The following SH3PXD2A variants were observed in gnomAD, a reference collection of about 807,000 sequenced individuals.
The protein encoded by SH3PXD2A is SH3 and PX domains 2A.
A neutral mutation model predicts 115.2 loss-of-function variants in SH3PXD2A; 32 were observed. The observed-to-expected ratio is 0.28, with a 90% confidence interval of 0.21 to 0.37. The LOEUF (loss-of-function observed/expected upper bound fraction) is 0.37. Ranked by LOEUF, SH3PXD2A falls within the 10% of genes least tolerant of loss-of-function variation. SH3PXD2A has a pLI of 1.00. For synonymous variants in SH3PXD2A, 610 were observed against 629.1 expected, an observed-to-expected ratio of 0.97 and a Z score of 0.45; for missense variants, 1,328 against 1,498.7, an observed-to-expected ratio of 0.89 and a Z score of 1.88.
intron 5 of SH3PXD2A, among the ~76,000 whole-genome samples, chr10:103,697,330 A>T (rs2037837176): frequency 6.6e-6 from 1 of 152,124 alleles, no homozygotes; most frequent in South Asian, 2.1e-4. Flanking sequence ...TTATTCTTTC[A>T]TACCTGGGCC....
At chr10:103,731,867 G>T (rs1039461649) in intron 4 of SH3PXD2A, among the ~76,000 whole-genome samples, 4 of 152,166 alleles carry the variant, frequency 2.6e-5, no homozygotes, top group African/African-American at 7.2e-5. Flanking sequence ...AGTGCAGAGG[G>T]GGAGGGTCAG....
intron 11 of SH3PXD2A, 95 bp from the exon 12 acceptor site, chr10:103,613,285 C>A: frequency 1.1e-6 from 1 of 921,446 alleles, no homozygotes; most frequent in Admixed American, 2.6e-5. Flanking sequence ...CCCAGTGGAG[C>A]CTTCCCTACC....
rs1305195719 is a variant in SH3PXD2A at position 103,602,938 on chromosome 10, T to G, written c.2280A>C (p.Pro760=). 1 of 1,614,226 alleles carries G rather than the reference T, an allele frequency of 6.2e-7. No homozygotes were observed. The highest frequency in any genetic ancestry group is 8.5e-7 in the Non-Finnish European group (1 of 1,180,044). The change falls in exon 15 of 15, where the codon CCA becomes CCC. Residue 760 remains proline, a synonymous_variant. Coordinates refer to ENST00000369774, the MANE Select transcript of SH3PXD2A (RefSeq NM_001394015.1). ...PRAKPSVRPK[P]FLNRAESQSQ... is the part of the protein sequence containing the mutation. ...TCTGCGACTCTGCTCGGTTTAGGAA[T>G]GGCTTGGGCCGGACCGATGGCTTGG...
intron 8 of SH3PXD2A, among the ~76,000 whole-genome samples, chr10:103,642,857 T>C (rs1042533745): frequency 2.6e-5 from 4 of 152,304 alleles, no homozygotes; most frequent in Admixed American, 2.6e-4. Context: ...TTGCTAAAAA[T>C]GGAAGCTTCT....
At chr10:103,607,093 C>T (rs2036323902) in intron 13 of SH3PXD2A, among the ~76,000 whole-genome samples, 2 of 151,812 alleles carry the variant, frequency 1.3e-5, no homozygotes, top group African/African-American at 2.4e-5. Context: ...AAGTGAGGAG[C>T]GTCTCTGCCC....
chr10:103,787,486 G>A (rs2038991703), intron 2 of SH3PXD2A, among the ~76,000 whole-genome samples: 1 of 152,156 alleles, frequency 6.6e-6, no homozygotes, highest in Non-Finnish European at 1.5e-5. Flanking sequence ...TGCACTGCTG[G>A]ATGGAGTGGG....
chr10:103,667,479 A>G (rs1341950632), intron 7 of SH3PXD2A, among the ~76,000 whole-genome samples: 1 of 152,214 alleles, frequency 6.6e-6, no homozygotes. Context: ...GGAGAGGGGA[A>G]AAAGGGACAG....
At chr10:103,735,905 A>G in intron 3 of SH3PXD2A, 97 bp from the exon 4 acceptor site, 1 of 928,248 alleles carries the variant, frequency 1.1e-6, no homozygotes, top group South Asian at 1.3e-5. Flanking sequence ...ATCTTAGTCC[A>G]GCACTACCTG....
Position 103,855,166 on chromosome 10 carries a change from C to T in SH3PXD2A, c.72+29G>A, listed in dbSNP as rs1416527393. On this transcript the variant is annotated intron_variant, in intron 1 of 14. Transcript: ENST00000369774. ...GCCCTCCCGGGACCTCGGGCCACCC[C>T]CAGCAGGGTCGGCGGGGGCTGTACT... is the stretch of plus-strand genomic sequence containing the variant. 5.3e-6 allele frequency: 8 copies of T among 1,509,802 alleles called. No homozygotes were observed. The Admixed American group carries it at 1.7e-4, about 32-fold the overall frequency. 93.5% of individuals were successfully genotyped at this position (1,509,802 alleles called of 1,614,324 possible).
intron 2 of SH3PXD2A, among the ~76,000 whole-genome samples, chr10:103,796,859 C>CTTT (rs11352709): frequency 9.6e-5 from 11 of 114,122 alleles, no homozygotes; most frequent in African/African-American, 3.2e-4. Flanking sequence ...TTTGGAACAT[C>CTTT]TTTTTTTTTT....
intron 6 of SH3PXD2A, among the ~76,000 whole-genome samples, chr10:103,679,462 C>A (rs1393644905): frequency 6.6e-6 from 1 of 152,256 alleles, no homozygotes; most frequent in African/African-American, 2.4e-5. Flanking sequence ...GGTACCCTCC[C>A]TGCGCCCCAG....
At chr10:103,796,681 C>A (rs554233628) in intron 2 of SH3PXD2A, among the ~76,000 whole-genome samples, 74 of 152,266 alleles carry the variant, frequency 4.9e-4, no homozygotes, top group African/African-American at 1.6e-3. Flanking sequence ...CCACTCTTAC[C>A]CGGAGCCAGC....
intron 7 of SH3PXD2A, among the ~76,000 whole-genome samples, chr10:103,663,603 G>T (rs2037342699): frequency 6.6e-6 from 1 of 152,246 alleles, no homozygotes; most frequent in African/African-American, 2.4e-5. Context: ...TGGGACTCAG[G>T]CATGAGTAGT....
chr10:103,723,954 C>T (rs1202001244), intron 5 of SH3PXD2A, among the ~76,000 whole-genome samples: 1 of 152,126 alleles, frequency 6.6e-6, no homozygotes, highest in East Asian at 1.9e-4. Flanking sequence ...ATGGCATGAC[C>T]ATTATATTTT....
At chr10:103,636,762 A>AC (rs758053797) in intron 8 of SH3PXD2A, among the ~76,000 whole-genome samples, 78 of 150,736 alleles carry the variant, frequency 5.2e-4, no homozygotes, top group Non-Finnish European at 8.7e-4. Flanking sequence ...GGGAGGGGAG[A>AC]CCCCCCACTC....
intron 5 of SH3PXD2A, among the ~76,000 whole-genome samples, chr10:103,705,866 GT>G (rs2037974085): frequency 6.6e-6 from 1 of 152,062 alleles, no homozygotes; most frequent in African/African-American, 2.4e-5. Flanking sequence ...GTGTGGTGGT[GT>G]GCACCAGTAA....
chr10:103,623,280 A>C (rs113872946), intron 9 of SH3PXD2A, among the ~76,000 whole-genome samples: 10 of 134,406 alleles, frequency 7.4e-5, no homozygotes, highest in South Asian at 2.2e-4. Context: ...CCCCCTCCCC[A>C]GCTTCTCACT....
intron 5 of SH3PXD2A, chr10:103,693,328 G>A (rs2037784873): frequency 6.8e-6 from 1 of 147,552 alleles, no homozygotes; most frequent in Non-Finnish European, 1.5e-5. Context: ...GCTAACTGGG[G>A]CTCACCTTCC....
chr10:103,727,191 G>A (rs1179237026), intron 4 of SH3PXD2A, among the ~76,000 whole-genome samples: 1 of 152,206 alleles, frequency 6.6e-6, no homozygotes, highest in African/African-American at 2.4e-5. Context: ...CACTGAGGCT[G>A]CTGGGGGTGA....
Sources: allele counts gnomAD v4.1 joint callset (sites outside exome capture counted in the v4.1 genomes callset), GRCh38; gene constraint gnomAD v4.1.1; transcripts MANE v1.5; gene names NCBI Gene and HGNC (gene_info 2026-07-23, HGNC 2026-07-21).